DPYD: variants seen among roughly 807,000 people sequenced by gnomAD.
DPYD encodes dihydropyrimidine dehydrogenase [NADP(+)].
In DPYD, 109 loss-of-function variants were observed where a neutral mutation model predicts 116.2. The ratio of observed to expected loss-of-function variants is 0.94; its 90% CI spans 0.80 to 1.10. The LOEUF is 1.10. DPYD is among the 50% of genes least tolerant of loss of function. The pLI, the probability that DPYD is intolerant of heterozygous loss-of-function variation, is 0.00. For missense variants in DPYD, 1,302 were observed against 1,254.5 expected, an observed-to-expected ratio of 1.04 and a Z score of -0.57; for synonymous variants, 440 against 432.0, an observed-to-expected ratio of 1.02 and a Z score of -0.23.
At chr1:97,346,165 A>T (rs907142513) in intron 16 of DPYD, among the ~76,000 whole-genome samples, 4 of 151,966 alleles carry the variant, frequency 2.6e-5, no homozygotes, top group African/African-American at 9.6e-5. Context: ...TCAATCTGAC[A>T]TTATATCACA....
At chr1:97,866,819 C>G (rs1363011106) in intron 2 of DPYD, among the ~76,000 whole-genome samples, 2 of 151,690 alleles carry the variant, frequency 1.3e-5, no homozygotes, top group African/African-American at 4.8e-5. Flanking sequence ...GTATATAAAA[C>G]AACATAAAGA....
intron 11 of DPYD, among the ~76,000 whole-genome samples, chr1:97,571,735 C>T (rs1309939196): frequency 1.3e-5 from 2 of 151,896 alleles, no homozygotes; most frequent in African/African-American, 4.8e-5. Flanking sequence ...GGACATCTTG[C>T]TTCCAATAAA....
chr1:97,137,245 A>T (rs747134042), intron 20 of DPYD, among the ~76,000 whole-genome samples: 8 of 152,240 alleles, frequency 5.3e-5, no homozygotes, highest in Non-Finnish European at 1.0e-4. Flanking sequence ...CAGCTAACAC[A>T]GTGCCACACA....
At chr1:97,370,422 T>TG (rs1208297878) in intron 16 of DPYD, among the ~76,000 whole-genome samples, 1 of 151,832 alleles carries the variant, frequency 6.6e-6, no homozygotes, top group Non-Finnish European at 1.5e-5. Flanking sequence ...TGTTGGGGGT[T>TG]GGGGGGTCAG....
At chr1:97,369,516 G>T (rs1275244090) in intron 16 of DPYD, among the ~76,000 whole-genome samples, 1 of 152,132 alleles carries the variant, frequency 6.6e-6, no homozygotes, top group African/African-American at 2.4e-5. Flanking sequence ...CAAAGTGCAG[G>T]TCTAGAAGCC....
chr1:97,232,037 G>T (rs1661618894), intron 19 of DPYD, among the ~76,000 whole-genome samples: 3 of 152,076 alleles, frequency 2.0e-5, no homozygotes, highest in African/African-American at 7.2e-5. Context: ...ATATCCTAAG[G>T]TGCCTTCTTT....
chr1:97,335,869 T>TC (rs1156825037), intron 16 of DPYD, among the ~76,000 whole-genome samples: 4 of 152,124 alleles, frequency 2.6e-5, no homozygotes, highest in Non-Finnish European at 4.4e-5. Context: ...CTTCTGTTCC[T>TC]CCCCCTCCAT....
intron 7 of DPYD, among the ~76,000 whole-genome samples, chr1:97,681,634 A>G (rs1011305557): frequency 1.1e-4 from 17 of 152,176 alleles, no homozygotes; most frequent in African/African-American, 3.4e-4. Context: ...TAGAATTAGT[A>G]GAATTCGATG....
chr1:97,200,409 G>A (rs1659122687), intron 19 of DPYD, among the ~76,000 whole-genome samples: 1 of 152,086 alleles, frequency 6.6e-6, no homozygotes, highest in Non-Finnish European at 1.5e-5. Context: ...TTCTGCAATG[G>A]TTATCACATC....
At chr1:97,645,332 T>A (rs1016653280) in intron 8 of DPYD, among the ~76,000 whole-genome samples, 2 of 152,150 alleles carry the variant, frequency 1.3e-5, no homozygotes, top group Non-Finnish European at 2.9e-5. Context: ...TCAGGGAGTG[T>A]TGAGTTACAC....
rs967938693 is a variant in DPYD, at chr1:97,912,280, T to TA, written c.39+8603dup. Among the ~76,000 whole-genome samples, 100 of 151,400 alleles carry TA rather than the reference T, an allele frequency of 6.6e-4. No individual in the cohort carries two copies. The Middle Eastern group carries it at 0.01, about 15-fold the overall frequency. ...TTTCCAGCACAATGCTTTAAGCAAA[T>TA]AAAAAAAAATTGTGCTGAAACATTG... On this transcript the variant is annotated intron_variant, in intron 1 of 22. Coordinates refer to ENST00000370192, the MANE Select transcript of DPYD (RefSeq NM_000110.4).
At chr1:97,230,172 A>T (rs1329149954) in intron 19 of DPYD, among the ~76,000 whole-genome samples, 3 of 152,226 alleles carry the variant, frequency 2.0e-5, no homozygotes, top group African/African-American at 7.2e-5. Context: ...CATTATAAAG[A>T]CACATGCATA....
intron 18 of DPYD, among the ~76,000 whole-genome samples, chr1:97,249,506 A>G (rs1017618366): frequency 6.6e-6 from 1 of 152,124 alleles, no homozygotes; most frequent in African/African-American, 2.4e-5. Flanking sequence ...TTGAAACCAT[A>G]AAGTTCCTAG....
At chr1:97,445,963 G>C (rs560711285) in intron 14 of DPYD, among the ~76,000 whole-genome samples, 2 of 152,258 alleles carry the variant, frequency 1.3e-5, no homozygotes, top group South Asian at 4.1e-4. Context: ...CTGACCTCAA[G>C]TGATCTGCCT....
intron 12 of DPYD, among the ~76,000 whole-genome samples, chr1:97,538,777 C>A (rs1650204258): frequency 6.6e-6 from 1 of 152,146 alleles, no homozygotes. Flanking sequence ...CATGAGCTTA[C>A]AGGGTTAAGG....
chr1:97,441,508 C>T (rs1454937036), intron 14 of DPYD, among the ~76,000 whole-genome samples: 1 of 152,030 alleles, frequency 6.6e-6, no homozygotes, highest in Non-Finnish European at 1.5e-5. Flanking sequence ...CTTCCAGTTA[C>T]CTTTCATCTT....
At chr1:97,359,715 A>G (rs1448894189) in intron 16 of DPYD, among the ~76,000 whole-genome samples, 1 of 152,236 alleles carries the variant, frequency 6.6e-6, no homozygotes, top group African/African-American at 2.4e-5. Flanking sequence ...ACTAAGCTTC[A>G]TAAGTGAAGG....
At position 97,822,230 on chromosome 1, in the gene DPYD, C is replaced by A. The variant is rs1012954701; in HGVS notation, c.233+5884G>T. Among the ~76,000 whole-genome samples the A allele has an allele frequency of 1.5e-3, 218 of 148,556 alleles. 1 individual carries two copies. The highest frequency in any genetic ancestry group is 1.8e-3 in the Non-Finnish European group (118 of 67,166). ...TCTACAAGCAATTTTGTTTCTCTCT[C>A]TCTCTCTATATATATATACACACAC... On this transcript the variant is annotated intron_variant, in intron 3 of 22. Transcript: ENST00000370192.
chr1:97,541,594 T>C (rs1650455932), intron 12 of DPYD, among the ~76,000 whole-genome samples: 1 of 152,122 alleles, frequency 6.6e-6, no homozygotes, highest in Non-Finnish European at 1.5e-5. Flanking sequence ...AATGAGAAAA[T>C]ATCTATATGC....
Sources: gnomAD v4.1 joint callset for allele counts (sites outside exome capture counted in the v4.1 genomes callset) on GRCh38, gnomAD v4.1.1 for gene constraint, MANE v1.5 for transcripts, NCBI Gene and HGNC (gene_info 2026-07-23, HGNC 2026-07-21) for gene names.